CPVL: variants seen among roughly 807,000 people sequenced by gnomAD.
CPVL encodes the protein probable serine carboxypeptidase CPVL.
In CPVL, 51 loss-of-function variants were observed where a neutral mutation model predicts 63.7. The ratio of observed to expected loss-of-function variants is 0.80; its 90% CI spans 0.64 to 1.01. The LOEUF (loss-of-function observed/expected upper bound fraction) is 1.01. CPVL is among the 50% of genes least tolerant of loss of function. The pLI, the probability that CPVL is intolerant of heterozygous loss-of-function variation, is 0.00. For missense variants in CPVL, 530 were observed against 573.1 expected (o/e 0.92, Z 0.77); for synonymous variants, 195 against 206.0 (o/e 0.95, Z 0.46).
intron 7 of CPVL, among the ~76,000 whole-genome samples, chr7:29,078,451 C>A (rs1013542330): frequency 2.6e-5 from 4 of 152,188 alleles, no homozygotes; most frequent in East Asian, 3.8e-4. Context: ...TGAATAAACC[C>A]TTTTGTTTAA....
intron 3 of CPVL, among the ~76,000 whole-genome samples, chr7:29,111,332 A>G (rs564858769): frequency 7.5e-4 from 114 of 152,278 alleles, no homozygotes; most frequent in African/African-American, 2.4e-3. Context: ...GCAGACCCCT[A>G]TGGGCTAGAC....
chr7:29,100,225 C>T (rs1786968686), intron 3 of CPVL, among the ~76,000 whole-genome samples: 2 of 152,210 alleles, frequency 1.3e-5, no homozygotes, highest in Admixed American at 6.5e-5. Flanking sequence ...TCCAGCCCCA[C>T]TTCCTTCCTA....
chr7:29,150,509 C>T (rs376027986), upstream of CPVL, among the ~76,000 whole-genome samples: 1 of 152,296 alleles, frequency 6.6e-6, no homozygotes, highest in African/African-American at 2.4e-5. Flanking sequence ...ATAGCCGGAG[C>T]TTTGCTGAAC....
chr7:29,013,908 G>A (rs1786115722), intron 12 of CPVL, among the ~76,000 whole-genome samples: 1 of 152,242 alleles, frequency 6.6e-6, no homozygotes, highest in Non-Finnish European at 1.5e-5. Flanking sequence ...TTGGCCCAGT[G>A]TGGGACACTC....
chr7:29,050,134 T>C (rs936044823), intron 11 of CPVL, among the ~76,000 whole-genome samples: 3 of 152,136 alleles, frequency 2.0e-5, no homozygotes, highest in African/African-American at 7.2e-5. Flanking sequence ...TTCAACATAG[T>C]ACTGGAAGTC....
chr7:29,132,544 T>C (rs1269567572), intron 1 of CPVL, among the ~76,000 whole-genome samples: 1 of 152,086 alleles, frequency 6.6e-6, no homozygotes, highest in Non-Finnish European at 1.5e-5. Context: ...AAACGGTGCT[T>C]TTCTCTCTAA....
chr7:29,015,712 T>C (rs1285092070), intron 12 of CPVL, among the ~76,000 whole-genome samples: 9 of 152,178 alleles, frequency 5.9e-5, no homozygotes, highest in African/African-American at 2.2e-4. Context: ...GCGGGGCATG[T>C]AGCCTAGATC....
At chr7:29,096,502 G>GC in intron 3 of CPVL, 5 of 468,698 alleles carry the variant, frequency 1.1e-5, no homozygotes, top group Non-Finnish European at 1.5e-5. Flanking sequence ...CTTGGCTTGT[G>GC]CATGCTGCCA....
chr7:29,070,634 C>T (rs1038140358), intron 9 of CPVL, among the ~76,000 whole-genome samples: 2 of 152,158 alleles, frequency 1.3e-5, no homozygotes, highest in South Asian at 2.1e-4. Flanking sequence ...TTTGCAGCCA[C>T]ATTTAGTGTC....
intron 11 of CPVL, among the ~76,000 whole-genome samples, chr7:29,053,509 TATAA>T (rs1331943158): frequency 2.6e-5 from 4 of 152,216 alleles, no homozygotes; most frequent in Non-Finnish European, 5.9e-5. Flanking sequence ...CAATTTCATT[TATAA>T]GAAATATCCA....
intron 3 of CPVL, among the ~76,000 whole-genome samples, chr7:29,097,330 A>C (rs1235770508): frequency 6.6e-6 from 1 of 152,230 alleles, no homozygotes; most frequent in Non-Finnish European, 1.5e-5. Flanking sequence ...TACACAGAAC[A>C]CTGAGTGAAG....
chr7:29,068,618 G>A (rs574505610), intron 9 of CPVL, among the ~76,000 whole-genome samples: 2 of 152,104 alleles, frequency 1.3e-5, no homozygotes, highest in East Asian at 3.9e-4. Flanking sequence ...TCACACAATG[G>A]AGGCATCTGC....
chr7:29,100,130 G>A (rs1786949050), intron 3 of CPVL, among the ~76,000 whole-genome samples: 1 of 152,136 alleles, frequency 6.6e-6, no homozygotes, highest in South Asian at 2.1e-4. Context: ...GAAAAACAAT[G>A]GGATCTGGGT....
At chr7:29,078,843 C>G (rs1340485190) in intron 7 of CPVL, among the ~76,000 whole-genome samples, 1 of 152,280 alleles carries the variant, frequency 6.6e-6, no homozygotes, top group Non-Finnish European at 1.5e-5. Context: ...GCAGCTTAAA[C>G]CCTGATTTTT....
At chr7:29,083,990 T>C (rs148077842) in intron 7 of CPVL, among the ~76,000 whole-genome samples, 2 of 152,298 alleles carry the variant, frequency 1.3e-5, no homozygotes, top group East Asian at 3.9e-4. Context: ...ATTGTGCCTT[T>C]CATCTGTATT....
chr7:29,099,069 A>AT (rs1448812046), intron 3 of CPVL, among the ~76,000 whole-genome samples: 7 of 152,136 alleles, frequency 4.6e-5, no homozygotes, highest in African/African-American at 1.7e-4. Context: ...CCGTCTCAAA[A>AT]AAATAATAAT....
At chr7:29,174,675 A>G (rs546030273) in intron 5 of CPVL, among the ~76,000 whole-genome samples, 1 of 152,306 alleles carries the variant, frequency 6.6e-6, no homozygotes, top group East Asian at 1.9e-4. Context: ...AGCCTGGCCA[A>G]CATGGTGAAA....
chr7:29,180,328 C>T (rs1346755501), intron 5 of CPVL, among the ~76,000 whole-genome samples: 1 of 152,130 alleles, frequency 6.6e-6, no homozygotes, highest in Non-Finnish European at 1.5e-5. Context: ...CAGATTGAGA[C>T]CGTCCTGACT....
chr7:29,137,921 T>C (rs1330586237), intron 1 of CPVL, among the ~76,000 whole-genome samples: 2 of 152,182 alleles, frequency 1.3e-5, no homozygotes, highest in African/African-American at 4.8e-5. Flanking sequence ...GTTTTCTAGA[T>C]ATGCTAAGAA....
Sources: gnomAD v4.1 joint callset for allele counts (sites outside exome capture counted in the v4.1 genomes callset) on GRCh38, gnomAD v4.1.1 for gene constraint, MANE v1.5 for transcripts, NCBI Gene and HGNC (gene_info 2026-07-23, HGNC 2026-07-21) for gene names.